The following MEIOB variants were observed in gnomAD, a reference collection of about 807,000 sequenced individuals.
The protein encoded by MEIOB is meiosis specific with OB-fold.
Under a neutral mutation model 53.1 loss-of-function variants are expected in MEIOB, and 50 were observed. The ratio of observed to expected loss-of-function variants is 0.94; its 90% CI spans 0.75 to 1.19. The LOEUF (loss-of-function observed/expected upper bound fraction) is 1.19. Among genes scored for constraint, MEIOB ranks in the 50% most tolerant of loss-of-function variants. The pLI, the probability that MEIOB is intolerant of heterozygous loss-of-function variation, is 0.00. For missense variants in MEIOB, 551 were observed against 550.8 expected (o/e 1.00, Z 0.00); for synonymous variants, 192 against 182.5 (o/e 1.05, Z -0.42).
At chr16:1,853,415 A>G in intron 7 of MEIOB, 144 bp from the exon 8 acceptor site, 2 of 636,430 alleles carry the variant, frequency 3.1e-6, no homozygotes, top group Non-Finnish European at 5.5e-6. Flanking sequence ...AGTCTTAAGC[A>G]TGCCAGCTTC....
intron 5 of MEIOB, among the ~76,000 whole-genome samples, chr16:1,858,341 G>A (rs1899359810): frequency 6.6e-6 from 1 of 152,108 alleles, no homozygotes; most frequent in South Asian, 2.1e-4. Flanking sequence ...TACCCCTACT[G>A]AGCTCTGCAT....
At chr16:1,856,351 G>A (rs7187053) in intron 6 of MEIOB, among the ~76,000 whole-genome samples, 115,732 of 142,254 alleles carry the variant, frequency 0.81, 46,899 homozygotes, top group Middle Eastern at 0.88. Flanking sequence ...TCGGAGTCTC[G>A]CTCTGTCGCC....
chr16:1,862,935 A>T (rs1447054604), intron 3 of MEIOB, among the ~76,000 whole-genome samples: 1 of 151,872 alleles, frequency 6.6e-6, no homozygotes, highest in East Asian at 1.9e-4. Flanking sequence ...ATAATAAAAT[A>T]AAAATAAAAA....
At chr16:1,840,998 ACTTTCTTTT>A (rs1262779952) in intron 11 of MEIOB, 1 of 146,832 alleles carries the variant, frequency 6.8e-6, no homozygotes. Flanking sequence ...ACTGGAGTTT[ACTTTCTTTT>A]CTTTCTTTTT....
chr16:1,862,151 AAG>A, intron 3 of MEIOB, 35 bp from the exon 4 acceptor site: 1 of 1,527,944 alleles, frequency 6.5e-7, no homozygotes, highest in Admixed American at 2.0e-5. Context: ...TTTTCAAATG[AAG>A]AGTTTCAATC....
chr16:1,849,137 T>C (rs1190943558), intron 9 of MEIOB, among the ~76,000 whole-genome samples: 1 of 150,890 alleles, frequency 6.6e-6, no homozygotes, highest in East Asian at 2.0e-4. Flanking sequence ...GTACAAAAAT[T>C]AGGCTGGGCA....
intron 9 of MEIOB, among the ~76,000 whole-genome samples, chr16:1,847,563 G>T (rs1275290043): frequency 2.0e-5 from 3 of 149,456 alleles, no homozygotes; most frequent in African/African-American, 7.4e-5. Context: ...TTGAGGTCAG[G>T]AGTTTGAGAC....
intron 1 of MEIOB, among the ~76,000 whole-genome samples, chr16:1,868,463 G>C (rs1465249441): frequency 1.3e-5 from 2 of 152,072 alleles, no homozygotes; most frequent in Non-Finnish European, 2.9e-5. Context: ...GGGAGGCAGA[G>C]GTTGCACTGA....
chr16:1,859,274 G>T (rs2150820728), intron 5 of MEIOB, among the ~76,000 whole-genome samples: 1 of 152,344 alleles, frequency 6.6e-6, no homozygotes. Flanking sequence ...AGGCGCGGTG[G>T]CTCACGCCTG....
chr16:1,850,945 A>G (rs1280488155), intron 9 of MEIOB, among the ~76,000 whole-genome samples: 1 of 152,128 alleles, frequency 6.6e-6, no homozygotes, highest in Non-Finnish European at 1.5e-5. Flanking sequence ...ATAAAATTAA[A>G]TTAAAATAAA....
chr16:1,837,960 A>G, intron 12 of MEIOB, 90 bp from the exon 13 acceptor site: 1 of 1,447,968 alleles, frequency 6.9e-7, no homozygotes. Context: ...CTTTCTCATT[A>G]GAAATGAAAT....
intron 9 of MEIOB, among the ~76,000 whole-genome samples, chr16:1,851,844 T>C (rs1899179681): frequency 6.6e-6 from 1 of 152,214 alleles, no homozygotes; most frequent in Non-Finnish European, 1.5e-5. Flanking sequence ...CTACATACTG[T>C]ACTCATAGCT....
In MEIOB at chr16:1,854,910, C is replaced by T. The variant is rs1399632896; in HGVS notation, c.529-710G>A. On this transcript the variant is annotated intron_variant, in intron 6 of 13. Coordinates refer to ENST00000325962, the MANE Select transcript of MEIOB (RefSeq NM_001163560.3). ...GCTTCTCATGTGGGAACGGCAGGCA[C>T]CTCTGAGAGATGCACAGCAGCAGGC... Among the ~76,000 whole-genome samples, 5 of 152,196 alleles carry T rather than the reference C, an allele frequency of 3.3e-5. No individual in the cohort carries two copies. The East Asian group carries it at 7.7e-4, about 24-fold the overall frequency.
At chr16:1,850,603 T>C (rs1298279753) in intron 9 of MEIOB, among the ~76,000 whole-genome samples, 2 of 148,144 alleles carry the variant, frequency 1.4e-5, no homozygotes, top group Admixed American at 6.8e-5. Context: ...AAACTATTTT[T>C]ATTAATAAGT....
At chr16:1,842,014 A>T (rs1408115276) in intron 10 of MEIOB, 41 bp from the exon 11 acceptor site, 1 of 1,314,192 alleles carries the variant, frequency 7.6e-7, no homozygotes, top group Non-Finnish European at 1.0e-6. Flanking sequence ...TATATATTCT[A>T]AAAAATATAA....
intron 12 of MEIOB, chr16:1,838,092 G>A: frequency 1.3e-6 from 1 of 758,138 alleles, no homozygotes; most frequent in Non-Finnish European, 2.1e-6. Flanking sequence ...GAACTCCCGG[G>A]GTCAAGCAAT....
chr16:1,838,334 A>G (rs1898804528), intron 12 of MEIOB, among the ~76,000 whole-genome samples: 1 of 152,192 alleles, frequency 6.6e-6, no homozygotes, highest in Non-Finnish European at 1.5e-5. Flanking sequence ...ATAAGGCAGG[A>G]AAGGCTATAT....
rs1333367499 is a variant in MEIOB at position 1,868,160 on chromosome 16, C to T, written c.16G>A (p.Ala6Thr). The change falls in exon 2 of 14, where the codon GCA becomes ACA. Residue 6 changes from alanine (A) to threonine (T), a missense_variant. Physicochemically the swap from Ala to Thr is moderately conservative, Grantham distance 58 (BLOSUM62 0). Coordinates refer to ENST00000325962, the MANE Select transcript of MEIOB (RefSeq NM_001163560.3). ...GAAAGGGTAGTGAAAATCCTCGCTG[C>T]AAAGGAGTTTGCCATTTTTTTAATC... MANSF[A>T]ARIFTTLSDL... is the part of the protein sequence containing the mutation. The T allele has an allele frequency of 6.5e-7, 1 of 1,529,330 alleles. No individual in the cohort carries two copies. The highest frequency in any genetic ancestry group is 2.0e-5 in the Admixed American group (1 of 50,792). The allele number at this position is 1,529,330 out of a possible 1,614,324, so 94.7% of individuals were successfully genotyped here. A position where few individuals can be genotyped will look rare whatever the true frequency, so the allele number is the denominator to read the frequency against.
chr16:1,855,753 T>C (rs962219876), intron 6 of MEIOB, among the ~76,000 whole-genome samples: 1 of 152,158 alleles, frequency 6.6e-6, no homozygotes, highest in South Asian at 2.1e-4. Flanking sequence ...TTCAAGATGA[T>C]CATATAGCGG....
Sources: gnomAD v4.1 joint callset for allele counts (sites outside exome capture counted in the v4.1 genomes callset) on GRCh38, gnomAD v4.1.1 for gene constraint, MANE v1.5 for transcripts, NCBI Gene and HGNC (gene_info 2026-07-23, HGNC 2026-07-21) for gene names.